ASIC2: variants seen among roughly 807,000 people sequenced by gnomAD.
ASIC2 encodes acid-sensing ion channel 2.
A neutral mutation model predicts 57.3 loss-of-function variants in ASIC2; 25 were observed. That is an observed-to-expected ratio of 0.44 (90% confidence interval 0.32 to 0.61). ASIC2 has a LOEUF of 0.61. Ranked by LOEUF, ASIC2 falls within the 20% of genes least tolerant of loss-of-function variation. ASIC2 has a pLI of 0.06. For synonymous variants in ASIC2, 319 were observed against 307.5 expected (o/e 1.04, Z -0.39); for missense variants, 641 against 738.1 (o/e 0.87, Z 1.52).
chr17:34,132,200 G>A (rs946858186), intron 1 of ASIC2, among the ~76,000 whole-genome samples: 1 of 152,116 alleles, frequency 6.6e-6, no homozygotes, highest in Non-Finnish European at 1.5e-5. Context: ...TAGTGTGTCC[G>A]GAGTTGGTTC....
intron 1 of ASIC2, among the ~76,000 whole-genome samples, chr17:33,180,201 C>G (rs920478170): frequency 6.6e-6 from 1 of 152,208 alleles, no homozygotes; most frequent in African/African-American, 2.4e-5. Flanking sequence ...GTTCTATTTA[C>G]GTCCACCTTT....
chr17:33,121,116 C>G (rs2092300759), intron 1 of ASIC2, among the ~76,000 whole-genome samples: 1 of 152,232 alleles, frequency 6.6e-6, no homozygotes, highest in South Asian at 2.1e-4. Context: ...AGGGAGTATT[C>G]CTGCTTATGG....
chr17:34,069,106 C>T (rs1377132034), intron 1 of ASIC2, among the ~76,000 whole-genome samples: 2 of 152,088 alleles, frequency 1.3e-5, no homozygotes, highest in East Asian at 1.9e-4. Context: ...CTTGGTGGCT[C>T]GAAATGAGCC....
chr17:33,303,216 A>C (rs980355182), intron 1 of ASIC2, among the ~76,000 whole-genome samples: 1 of 152,240 alleles, frequency 6.6e-6, no homozygotes, highest in African/African-American at 2.4e-5. Flanking sequence ...GAGAAAAGAC[A>C]AAGTGGGTGG....
At chr17:34,053,906 T>C (rs1426392002) in intron 1 of ASIC2, among the ~76,000 whole-genome samples, 4 of 152,220 alleles carry the variant, frequency 2.6e-5, no homozygotes, top group Non-Finnish European at 5.9e-5. Flanking sequence ...GAGTCTTCCT[T>C]TCTCAGTCCC....
chr17:33,376,081 G>T (rs1909266538), intron 1 of ASIC2, among the ~76,000 whole-genome samples: 1 of 151,988 alleles, frequency 6.6e-6, no homozygotes, highest in Admixed American at 6.6e-5. Flanking sequence ...GTATATGTTT[G>T]GTATTTAAAA....
At chr17:33,517,146 C>T (rs537250450) in intron 1 of ASIC2, among the ~76,000 whole-genome samples, 67 of 152,260 alleles carry the variant, frequency 4.4e-4, no homozygotes, top group Admixed American at 3.0e-3. Context: ...GACAGAGTCT[C>T]GTTCTGTTGC....
chr17:34,098,910 G>T (rs544007229), intron 1 of ASIC2, among the ~76,000 whole-genome samples: 2 of 152,008 alleles, frequency 1.3e-5, no homozygotes, highest in East Asian at 3.9e-4. Flanking sequence ...TTTCCATACC[G>T]TGTGATGCCC....
intron 1 of ASIC2, among the ~76,000 whole-genome samples, chr17:33,260,814 C>A: frequency 6.6e-6 from 1 of 152,180 alleles, no homozygotes; most frequent in African/African-American, 2.4e-5. Context: ...GCTCCTCACA[C>A]CGTGCAGGTG....
intron 1 of ASIC2, among the ~76,000 whole-genome samples, chr17:33,481,865 C>T (rs929485683): frequency 2.0e-5 from 3 of 152,202 alleles, no homozygotes; most frequent in Non-Finnish European, 4.4e-5. Flanking sequence ...CATCCCCTGC[C>T]ACTTGGCTTC....
intron 1 of ASIC2, among the ~76,000 whole-genome samples, chr17:33,204,336 G>A (rs1003165904): frequency 5.3e-5 from 8 of 152,326 alleles, no homozygotes; most frequent in South Asian, 4.1e-4. Context: ...CAGCTGCTAA[G>A]TCAGTGAGAA....
chr17:33,695,086 A>G (rs60743663), intron 1 of ASIC2, among the ~76,000 whole-genome samples: 7,234 of 152,318 alleles, frequency 0.047, 542 homozygotes, highest in African/African-American at 0.16. Context: ...TATCACAAAA[A>G]AAGTTTTTTG....
At chr17:33,401,344 C>T in intron 1 of ASIC2, among the ~76,000 whole-genome samples, 1 of 152,190 alleles carries the variant, frequency 6.6e-6, no homozygotes, top group East Asian at 1.9e-4. Flanking sequence ...CCTCTCTGAT[C>T]ATCAATCTGA....
chr17:33,673,199 G>A (rs1346838015), intron 1 of ASIC2, among the ~76,000 whole-genome samples: 3 of 152,154 alleles, frequency 2.0e-5, no homozygotes, highest in East Asian at 3.9e-4. Context: ...GAGAAACTGA[G>A]GATGGGATGA....
chr17:33,732,503 CT>C (rs35048594), intron 1 of ASIC2, among the ~76,000 whole-genome samples: 34,077 of 127,198 alleles, frequency 0.27, 4,006 homozygotes, highest in East Asian at 0.35. Context: ...TAAGGAAATT[CT>C]TTTTTTTTTT....
At chr17:33,069,666 T>G (rs570649349) in intron 3 of ASIC2, among the ~76,000 whole-genome samples, 1 of 152,350 alleles carries the variant, frequency 6.6e-6, no homozygotes, top group South Asian at 2.1e-4. Context: ...TCAACTTTGT[T>G]TTTGATCAGT....
chr17:33,230,696 C>A (rs778862820), intron 1 of ASIC2, among the ~76,000 whole-genome samples: 1 of 151,366 alleles, frequency 6.6e-6, no homozygotes, highest in African/African-American at 2.4e-5. Flanking sequence ...ACACACAGTG[C>A]GAAGGGGGTA....
chr17:34,075,969 CAG>C (rs1362566729), intron 1 of ASIC2, among the ~76,000 whole-genome samples: 2 of 151,486 alleles, frequency 1.3e-5, no homozygotes, highest in African/African-American at 4.8e-5. Context: ...GCTGGGATTA[CAG>C]GTGTGTGCAA....
At chr17:33,144,191 A>G (rs1904451367) in intron 1 of ASIC2, among the ~76,000 whole-genome samples, 1 of 152,198 alleles carries the variant, frequency 6.6e-6, no homozygotes, top group Admixed American at 6.5e-5. Context: ...ACAAAAACAA[A>G]AAAACAGGTT....
Sources: allele counts gnomAD v4.1 joint callset (sites outside exome capture counted in the v4.1 genomes callset), GRCh38; gene constraint gnomAD v4.1.1; transcripts MANE v1.5; gene names NCBI Gene and HGNC (gene_info 2026-07-23, HGNC 2026-07-21).